Variants in KCNIP4 observed in about 807,000 individuals in gnomAD.
The protein encoded by KCNIP4 is potassium voltage-gated channel interacting protein 4, also known as Kv channel-interacting protein 4.
In KCNIP4, 12 loss-of-function variants were observed where a neutral mutation model predicts 34.0. The ratio of observed to expected loss-of-function variants is 0.35; its 90% CI spans 0.23 to 0.57. The LOEUF (loss-of-function observed/expected upper bound fraction) is 0.57. Among genes scored for constraint, KCNIP4 ranks in the 20% least tolerant of loss-of-function variants. The pLI is 0.83. For missense variants in KCNIP4, 238 were observed against 311.7 expected (o/e 0.76, Z 1.78); for synonymous variants, 124 against 102.2 (o/e 1.21, Z -1.29).
intron 1 of KCNIP4, among the ~76,000 whole-genome samples, chr4:21,063,604 C>T (rs192836020): frequency 1.3e-4 from 20 of 152,234 alleles, no homozygotes; most frequent in Non-Finnish European, 2.4e-4. Context: ...AAACAATGAA[C>T]TGAGACTGAT....
At chr4:20,866,931 C>T (rs1722934912) in intron 2 of KCNIP4, among the ~76,000 whole-genome samples, 1 of 151,958 alleles carries the variant, frequency 6.6e-6, no homozygotes, top group Non-Finnish European at 1.5e-5. Flanking sequence ...AAATAAAATA[C>T]TTAGGGATAT....
At chr4:21,383,381 C>T (rs1269223352) in intron 1 of KCNIP4, among the ~76,000 whole-genome samples, 1 of 150,760 alleles carries the variant, frequency 6.6e-6, no homozygotes, top group Admixed American at 6.7e-5. Context: ...GAGAGAATAG[C>T]TTCTTTGATA....
intron 1 of KCNIP4, among the ~76,000 whole-genome samples, chr4:21,514,610 A>G (rs532411608): frequency 8.0e-4 from 122 of 152,294 alleles, no homozygotes; most frequent in African/African-American, 2.8e-3. Context: ...AAGCAAACCC[A>G]ATCAACACAG....
intron 1 of KCNIP4, among the ~76,000 whole-genome samples, chr4:21,435,263 G>A (rs955611797): frequency 6.6e-6 from 1 of 152,180 alleles, no homozygotes; most frequent in Non-Finnish European, 1.5e-5. Flanking sequence ...ATATGTTTGA[G>A]GGGGTATAGT....
rs149958959 is a variant in KCNIP4, at chr4:20,909,945, G to A, written c.62-27236C>T. On this transcript the variant is annotated intron_variant, in intron 1 of 8. Transcript: ENST00000382152. ...CTGCCAGCACCGATATCACTGAGCC[G>A]CTAAATCAATGTGAACAAAAACTTC... Among the ~76,000 whole-genome samples, 13 of 152,184 alleles carry A rather than the reference G, an allele frequency of 8.5e-5. No homozygotes were observed. The East Asian group carries it at 2.1e-3, about 25-fold the overall frequency.
intron 3 of KCNIP4, among the ~76,000 whole-genome samples, chr4:20,774,302 A>G (rs892205465): frequency 8.5e-5 from 13 of 152,048 alleles, no homozygotes; most frequent in African/African-American, 3.1e-4. Flanking sequence ...GGATTTTCAG[A>G]ATATCACACC....
intron 1 of KCNIP4, among the ~76,000 whole-genome samples, chr4:21,026,897 G>A (rs915694162): frequency 9.2e-5 from 14 of 152,260 alleles, no homozygotes; most frequent in Admixed American, 3.3e-4. Context: ...AACCAGTCTT[G>A]CATGAGGCAG....
intron 1 of KCNIP4, among the ~76,000 whole-genome samples, chr4:21,039,381 A>G (rs372263441): frequency 0.052 from 7,837 of 152,110 alleles, 278 homozygotes; most frequent in Middle Eastern, 0.13. Flanking sequence ...AAAAAGAAAA[A>G]AAAAAAAAAG....
At chr4:21,732,392 C>T (rs1438769386) in intron 1 of KCNIP4, among the ~76,000 whole-genome samples, 2 of 152,134 alleles carry the variant, frequency 1.3e-5, no homozygotes, top group African/African-American at 2.4e-5. Flanking sequence ...TTACTAAGTT[C>T]AATTCCCGAG....
At chr4:21,283,769 G>A (rs894914756) in intron 1 of KCNIP4, among the ~76,000 whole-genome samples, 1 of 151,274 alleles carries the variant, frequency 6.6e-6, no homozygotes, top group African/African-American at 2.4e-5. Context: ...CCTGCACCTT[G>A]TGCACATGTA....
chr4:21,259,048 T>C (rs370132141), intron 1 of KCNIP4, among the ~76,000 whole-genome samples: 4 of 152,290 alleles, frequency 2.6e-5, no homozygotes, highest in East Asian at 1.9e-4. Context: ...ATTTCACAGA[T>C]GGTCAAGCTA....
chr4:20,839,302 A>G (rs1486839599), intron 3 of KCNIP4, among the ~76,000 whole-genome samples: 1 of 152,104 alleles, frequency 6.6e-6, no homozygotes, highest in Non-Finnish European at 1.5e-5. Context: ...AATAAAGCAT[A>G]TATACATCTA....
intron 1 of KCNIP4, among the ~76,000 whole-genome samples, chr4:21,213,495 T>C (rs1044188906): frequency 6.6e-6 from 1 of 151,846 alleles, no homozygotes; most frequent in African/African-American, 2.4e-5. Context: ...AGAAATGGGG[T>C]TTCACCAAGT....
In KCNIP4 at chr4:20,951,621, C is replaced by T. The variant is rs766744090; in HGVS notation, c.62-68912G>A. 9.2e-5 allele frequency among the ~76,000 whole-genome samples: 14 copies of T among 152,084 alleles called. No homozygotes were observed. The East Asian group carries it at 2.1e-3, about 23-fold the overall frequency. Reference sequence around the variant, plus strand: ...CTCATATATCTTTTTTGAATAGGTGCCATCTAAGTCTGTTTAAAGGTAGAA... The same window carrying T: ...CTCATATATCTTTTTTGAATAGGTGTCATCTAAGTCTGTTTAAAGGTAGAA... On this transcript the variant is annotated intron_variant, in intron 1 of 8. Transcript: ENST00000382152.
chr4:20,758,782 A>C, intron 4 of KCNIP4, 39 bp downstream of exon 4: 1 of 1,485,180 alleles, frequency 6.7e-7, no homozygotes, highest in Non-Finnish European at 9.4e-7. Context: ...CATAATTGTA[A>C]CTCTGATAGT....
intron 1 of KCNIP4, among the ~76,000 whole-genome samples, chr4:21,742,272 T>C (rs1386730756): frequency 1.3e-5 from 2 of 152,134 alleles, no homozygotes; most frequent in African/African-American, 2.4e-5. Flanking sequence ...TAGGATCCCT[T>C]ACTGAGAAAG....
intron 2 of KCNIP4, among the ~76,000 whole-genome samples, chr4:20,877,578 A>G (rs576778098): frequency 6.6e-6 from 1 of 152,258 alleles, no homozygotes; most frequent in Admixed American, 6.5e-5. Flanking sequence ...AATAGCCTAT[A>G]TTCCTTATAG....
rs527988278 is a variant in KCNIP4 at position 21,364,197 on chromosome 4, A to G, written c.62-481488T>C. On this transcript the variant is annotated intron_variant, in intron 1 of 8. Coordinates refer to ENST00000382152, the MANE Select transcript of KCNIP4 (RefSeq NM_025221.6). ...CAAACATAATAGGCTTACAACAACCATATTATTTTCTTTTTTGAAAATTCC... is the reference window on the plus strand; with the variant it reads ...CAAACATAATAGGCTTACAACAACCGTATTATTTTCTTTTTTGAAAATTCC... Among the ~76,000 whole-genome samples the G allele has an allele frequency of 2.6e-5, 4 of 152,256 alleles. No individual in the cohort carries two copies. In the East Asian group the frequency reaches 7.7e-4, roughly 29 times the overall value.
Position 21,574,120 on chromosome 4 carries a change from G to A in KCNIP4, c.61+374451C>T, listed in dbSNP as rs560700028. 1.3e-5 allele frequency among the ~76,000 whole-genome samples: 2 copies of A among 152,204 alleles called. 1 individual carries two copies. The highest frequency in any genetic ancestry group is 4.1e-4 in the South Asian group (2 of 4,822). The stretch of plus-strand genomic sequence containing the variant: ...AACGACTGTAACAGAGTTGAGTCAT[G>A]GTTTATGGGCAGAAATTTTCTTGTT... On this transcript the variant is annotated intron_variant, in intron 1 of 8. Coordinates refer to ENST00000382152, the MANE Select transcript of KCNIP4 (RefSeq NM_025221.6).
Sources: allele counts gnomAD v4.1 joint callset (sites outside exome capture counted in the v4.1 genomes callset), GRCh38; gene constraint gnomAD v4.1.1; transcripts MANE v1.5; gene names NCBI Gene and HGNC (gene_info 2026-07-23, HGNC 2026-07-21).